GRM8: variants seen among roughly 807,000 people sequenced by gnomAD.
GRM8 encodes the protein metabotropic glutamate receptor 8.
Under a neutral mutation model 87.2 loss-of-function variants are expected in GRM8, and 47 were observed. That is an observed-to-expected ratio of 0.54 (90% confidence interval 0.43 to 0.69). The LOEUF (loss-of-function observed/expected upper bound fraction) is 0.69, where lower values mean the gene tolerates loss of function less well. GRM8 is among the 30% of genes least tolerant of loss of function. The probability of loss-of-function intolerance (pLI) is 0.00; values close to 1 mark genes in which losing one functional copy is unlikely to be tolerated. For missense variants in GRM8, 1,019 were observed against 1,139.2 expected, an observed-to-expected ratio of 0.89 and a Z score of 1.52; for synonymous variants, 396 against 404.5, an observed-to-expected ratio of 0.98 and a Z score of 0.25.
At chr7:126,470,701 T>C (rs905952371) in intron 9 of GRM8, among the ~76,000 whole-genome samples, 11 of 152,180 alleles carry the variant, frequency 7.2e-5, no homozygotes, top group African/African-American at 2.4e-4. Flanking sequence ...TTTGGGTATA[T>C]ACCCAGTAAT....
chr7:126,987,717 C>T (rs1325331236), intron 3 of GRM8, among the ~76,000 whole-genome samples: 2 of 152,166 alleles, frequency 1.3e-5, no homozygotes, highest in Admixed American at 1.3e-4. Flanking sequence ...CCCGCCTCGG[C>T]CTCCCAAAGT....
rs1158547513 is a variant in GRM8 at position 126,769,935 on chromosome 7, G to T, written c.1287C>A (p.Gly429=). 28 of 1,612,850 alleles carry T rather than the reference G, an allele frequency of 1.7e-5. No homozygotes were observed. Among genetic ancestry groups the T allele is most frequent in the Non-Finnish European group, 2.2e-5 (26 of 1,179,048 alleles). ...CAATGGTACTCATTCGTGGACAAAG[G>T]CCAATGTATCCAGGGCAGAGATCTT... ...MHKDLCPGYI[G]LCPRMSTIDG... Residue 429 remains glycine (G), a synonymous_variant, in exon 7 of 11, where the codon GGC becomes GGA. Transcript: ENST00000339582.
intron 7 of GRM8, among the ~76,000 whole-genome samples, chr7:126,746,688 T>A (rs1389352382): frequency 6.6e-6 from 1 of 151,620 alleles, no homozygotes; most frequent in Non-Finnish European, 1.5e-5. Context: ...TAGTAACACA[T>A]CAAGAAACTA....
At chr7:126,876,937 T>TAAA (rs34353722) in intron 6 of GRM8, among the ~76,000 whole-genome samples, 119 of 147,112 alleles carry the variant, frequency 8.1e-4, no homozygotes, top group South Asian at 1.9e-3. Flanking sequence ...ACAAACTCTT[T>TAAA]AAAAAAAAAA....
At chr7:126,752,274 C>CCAGT (rs1245101916) in intron 7 of GRM8, among the ~76,000 whole-genome samples, 1 of 151,998 alleles carries the variant, frequency 6.6e-6, no homozygotes, top group Non-Finnish European at 1.5e-5. Context: ...CCACCACACT[C>CCAGT]CAGTCTGGTC....
chr7:127,076,414 T>TA (rs1036066424), intron 3 of GRM8, among the ~76,000 whole-genome samples: 1 of 152,178 alleles, frequency 6.6e-6, no homozygotes, highest in African/African-American at 2.4e-5. Context: ...GAATAGTTAC[T>TA]AAAAGGAGTG....
At chr7:127,125,448 G>A (rs1056914950) in intron 2 of GRM8, among the ~76,000 whole-genome samples, 1 of 151,864 alleles carries the variant, frequency 6.6e-6, no homozygotes, top group African/African-American at 2.4e-5. Flanking sequence ...ATTAGTCAAA[G>A]TGGACAACTG....
intron 2 of GRM8, among the ~76,000 whole-genome samples, chr7:127,109,104 T>A (rs1357326281): frequency 6.6e-6 from 1 of 152,150 alleles, no homozygotes; most frequent in Non-Finnish European, 1.5e-5. Flanking sequence ...AAGTAAAAAT[T>A]TTTTAAAGAC....
At chr7:127,110,618 A>T (rs563448713) in intron 2 of GRM8, among the ~76,000 whole-genome samples, 39 of 121,750 alleles carry the variant, frequency 3.2e-4, no homozygotes, top group East Asian at 1.4e-3. Flanking sequence ...CTCTTTTTTT[A>T]AAAAAAAATT....
chr7:127,248,415 C>CCCCATG (rs2116909822), intron 1 of GRM8, among the ~76,000 whole-genome samples: 1 of 152,308 alleles, frequency 6.6e-6, no homozygotes, highest in South Asian at 2.1e-4. Context: ...TTACTCCATG[C>CCCCATG]CCCATGGGGG....
At chr7:126,794,628 T>A (rs1319172014) in intron 6 of GRM8, among the ~76,000 whole-genome samples, 4 of 152,120 alleles carry the variant, frequency 2.6e-5, no homozygotes, top group Non-Finnish European at 5.9e-5. Flanking sequence ...TATTCTGAGT[T>A]TTAAAAAATA....
chr7:126,724,342 G>A (rs1812735242), intron 7 of GRM8, among the ~76,000 whole-genome samples: 1 of 152,090 alleles, frequency 6.6e-6, no homozygotes, highest in Non-Finnish European at 1.5e-5. Flanking sequence ...TTCCTGCTGA[G>A]TCTCCCATGC....
chr7:127,021,065 C>T (rs1220557119), intron 3 of GRM8, among the ~76,000 whole-genome samples: 2 of 151,998 alleles, frequency 1.3e-5, no homozygotes, highest in Non-Finnish European at 2.9e-5. Flanking sequence ...CAAGGAATAA[C>T]ATCTTCACAT....
chr7:126,618,571 A>G (rs1799776117), intron 7 of GRM8, among the ~76,000 whole-genome samples: 1 of 152,204 alleles, frequency 6.6e-6, no homozygotes, highest in South Asian at 2.1e-4. Flanking sequence ...GAAAGAAACT[A>G]CCATCAGAGT....
intron 2 of GRM8, among the ~76,000 whole-genome samples, chr7:127,180,888 T>TA (rs1794395743): frequency 6.6e-6 from 1 of 151,938 alleles, no homozygotes; most frequent in Non-Finnish European, 1.5e-5. Flanking sequence ...GCCAACATAA[T>TA]ACTAAATGGG....
At chr7:127,240,919 T>A (rs1193467579) in intron 2 of GRM8, among the ~76,000 whole-genome samples, 1 of 152,166 alleles carries the variant, frequency 6.6e-6, no homozygotes, top group East Asian at 1.9e-4. Context: ...GGTTAACAAC[T>A]GCCTAGTTTC....
chr7:126,683,745 C>G (rs1051527796), intron 7 of GRM8, among the ~76,000 whole-genome samples: 2 of 152,066 alleles, frequency 1.3e-5, no homozygotes, highest in African/African-American at 4.8e-5. Flanking sequence ...AGACAGGAGT[C>G]TGGAAATTGA....
At chr7:126,788,409 C>CAAAAGAAAAAAAAAAAAAAAAAAAAAAAA (rs1820863427) in intron 6 of GRM8, among the ~76,000 whole-genome samples, 1 of 10,798 alleles carries the variant, frequency 9.3e-5, no homozygotes, top group Non-Finnish European at 2.0e-4. Flanking sequence ...GACTCCATCT[C>CAAAAGAAAAAAAAAAAAAAAAAAAAAAAA]AAAAAAAAAA....
At chr7:126,708,014 G>A (rs976755075) in intron 7 of GRM8, among the ~76,000 whole-genome samples, 1 of 152,080 alleles carries the variant, frequency 6.6e-6, no homozygotes, top group Non-Finnish European at 1.5e-5. Flanking sequence ...CAAATTATAT[G>A]AGAAATTCAT....
Sources: gnomAD v4.1 joint callset for allele counts (sites outside exome capture counted in the v4.1 genomes callset) on GRCh38, gnomAD v4.1.1 for gene constraint, MANE v1.5 for transcripts, NCBI Gene and HGNC (gene_info 2026-07-23, HGNC 2026-07-21) for gene names.